Variants in BDH1 observed in about 807,000 individuals in gnomAD.
BDH1 encodes D-beta-hydroxybutyrate dehydrogenase, mitochondrial.
BDH1 carries 30 observed loss-of-function variants against 33.1 expected under a neutral mutation model. The ratio of observed to expected loss-of-function variants is 0.91; its 90% CI spans 0.68 to 1.23. The LOEUF (loss-of-function observed/expected upper bound fraction) is 1.23, where lower values mean the gene tolerates loss of function less well. Ranked by LOEUF, BDH1 falls within the 50% of genes most tolerant of loss-of-function variation. The pLI, the probability that BDH1 is intolerant of heterozygous loss-of-function variation, is 0.00. For synonymous variants in BDH1, 190 were observed against 183.6 expected, an observed-to-expected ratio of 1.03 and a Z score of -0.28; for missense variants, 443 against 464.4, an observed-to-expected ratio of 0.95 and a Z score of 0.42.
At chr3:197,527,931 G>A (rs1490781775) in intron 5 of BDH1, among the ~76,000 whole-genome samples, 2 of 152,118 alleles carry the variant, frequency 1.3e-5, no homozygotes, top group African/African-American at 2.4e-5. Context: ...CTGACACCCC[G>A]TCCACCATGC....
At chr3:197,552,844 A>T (rs1019241307) in intron 2 of BDH1, among the ~76,000 whole-genome samples, 1 of 151,742 alleles carries the variant, frequency 6.6e-6, no homozygotes, top group Non-Finnish European at 1.5e-5. Context: ...GAGAACAGGA[A>T]TTTTTGTCTG....
intron 1 of BDH1, among the ~76,000 whole-genome samples, chr3:197,561,783 A>AAAC (rs564335985): frequency 7.1e-4 from 108 of 152,274 alleles, no homozygotes; most frequent in African/African-American, 2.2e-3. Context: ...CAAACAAACA[A>AAAC]AACAACAACA....
intron 7 of BDH1, among the ~76,000 whole-genome samples, chr3:197,513,468 C>T (rs1386017482): frequency 2.0e-5 from 3 of 146,796 alleles, no homozygotes; most frequent in African/African-American, 7.7e-5. Flanking sequence ...GGCACTCAGC[C>T]CATCCAGGTG....
chr3:197,569,682 CTT>C lies in BDH1; in HGVS notation c.-44+3497_-44+3498del, dbSNP rs370059968. Among the ~76,000 whole-genome samples, 473 of 152,336 alleles carry C rather than the reference CTT, an allele frequency of 3.1e-3. 1 individual carries two copies. Among genetic ancestry groups the C allele is most frequent in the African/African-American group, 0.011 (443 of 41,566 alleles). On this transcript the variant is annotated intron_variant, in intron 1 of 6. Transcript: ENST00000358186. The stretch of plus-strand genomic sequence containing the variant: ...CTTTTGCTTGGCTTTCATCCTCTCT[CTT>C]GTCTGCCACCATGTAAGACGTGCCT...
rs1170616746 is a variant in BDH1 at position 197,522,017 on chromosome 3, T to A, written c.409+623A>T. On this transcript the variant is annotated intron_variant, in intron 6 of 7. Transcript: ENST00000392379. The surrounding 1 kb of genome is among the most constrained non-coding windows in gnomAD (Gnocchi z 4.8). ...CCCAACCTCCTTTGCTGCCACCCCCTCTGCGTGACCTGACCCATGACTCAT... is the reference window on the plus strand; with the variant it reads ...CCCAACCTCCTTTGCTGCCACCCCCACTGCGTGACCTGACCCATGACTCAT... Among the ~76,000 whole-genome samples, 5 of 152,024 alleles carry A rather than the reference T, an allele frequency of 3.3e-5. No individual in the cohort carries two copies. The highest frequency in any genetic ancestry group is 7.4e-5 in the Non-Finnish European group (5 of 67,998).
At chr3:197,519,390 G>C (rs1165403903) in intron 6 of BDH1, among the ~76,000 whole-genome samples, 3 of 152,010 alleles carry the variant, frequency 2.0e-5, no homozygotes, top group Non-Finnish European at 2.9e-5. Context: ...GTCAGGCGTG[G>C]TGGCTCAGGC....
At chr3:197,532,243 A>G (rs1714731563) in intron 5 of BDH1, among the ~76,000 whole-genome samples, 169 bp downstream of exon 5, 1 of 152,196 alleles carries the variant, frequency 6.6e-6, no homozygotes, top group South Asian at 2.1e-4. Context: ...GGATGCATGG[A>G]TGATGGATGG....
chr3:197,558,601 T>A (rs1717158287), upstream of BDH1, among the ~76,000 whole-genome samples: 1 of 152,232 alleles, frequency 6.6e-6, no homozygotes, highest in African/African-American at 2.4e-5. Context: ...CACTTTCACT[T>A]TTCTGTGAGA....
rs1214233839 is a variant in BDH1 at position 197,516,083 on chromosome 3, A to G, written c.410-1667T>C. ...TCGCTACGATATGAGTACTGCCAGT[A>G]CTCCTTGAGGCTCACCTCTCCCTCA... is the stretch of plus-strand genomic sequence containing the variant. On this transcript the variant is annotated intron_variant, in intron 6 of 7. Coordinates refer to ENST00000392379, the MANE Select transcript of BDH1 (RefSeq NM_203314.3). This position sits in a 1 kb window ranked among gnomAD's most constrained non-coding sequence, Gnocchi z 4.2. 6.6e-6 allele frequency among the ~76,000 whole-genome samples: 1 copy of G among 151,658 alleles called. No homozygotes were observed. The highest frequency in any genetic ancestry group is 1.5e-5 in the Non-Finnish European group (1 of 67,910).
rs2108687681 is a variant in BDH1, at chr3:197,509,932, C to T, written c.*1963G>A. On this transcript the variant is annotated 3_prime_UTR_variant, in exon 8 of 8. Coordinates refer to ENST00000392379, the MANE Select transcript of BDH1 (RefSeq NM_203314.3). Reference sequence around the variant, plus strand: ...ACTGCAGCGGCCACCAAGCGTCCCCCTCTGGGCTCTGGAGGGTTTCGGCCC... The same window carrying T: ...ACTGCAGCGGCCACCAAGCGTCCCCTTCTGGGCTCTGGAGGGTTTCGGCCC... The T allele has an allele frequency of 6.6e-6, 1 of 152,034 alleles. No homozygotes were observed. Among genetic ancestry groups the T allele is most frequent in the East Asian group, 2.0e-4 (1 of 5,080 alleles). 9.4% of individuals were successfully genotyped at this position (152,034 alleles called of 1,614,324 possible). A position where few individuals can be genotyped will look rare whatever the true frequency, so the allele number is the denominator to read the frequency against.
rs1334877036 is a variant in BDH1, at chr3:197,510,465, C to T, written c.*1430G>A. 6.6e-6 allele frequency: 1 copy of T among 152,368 alleles called. No homozygotes were observed. The highest frequency in any genetic ancestry group is 1.5e-5 in the Non-Finnish European group (1 of 68,210). The allele number at this position is 152,368 out of a possible 1,614,324, so 9.4% of individuals were successfully genotyped here. ...CCAACATACAGGCCCTGGGCAGTCG[C>T]AGGGATGGCAGCTTTCAAACTGAAA... On this transcript the variant is annotated 3_prime_UTR_variant, in exon 8 of 8. Coordinates refer to ENST00000392379, the MANE Select transcript of BDH1 (RefSeq NM_203314.3).
intron 2 of BDH1, among the ~76,000 whole-genome samples, chr3:197,546,763 A>T (rs745932172): frequency 2.6e-5 from 4 of 152,194 alleles, no homozygotes; most frequent in Non-Finnish European, 5.9e-5. Flanking sequence ...TCACCCATTC[A>T]TAATGTGAGC....
At chr3:197,560,049 C>A (rs1014485394), upstream of BDH1, among the ~76,000 whole-genome samples, 2 of 152,232 alleles carry the variant, frequency 1.3e-5, no homozygotes, top group Admixed American at 1.3e-4. Flanking sequence ...CTCCTCAACC[C>A]AGGGAGGTAC....
intron 3 of BDH1, chr3:197,543,128 A>G (rs1715792740): frequency 1.0e-6 from 1 of 985,310 alleles, no homozygotes; most frequent in Admixed American, 6.1e-5. Flanking sequence ...CCAGTAACCC[A>G]GCTTTCTGCT....
rs1040214699 is a variant in BDH1 at position 197,521,618 on chromosome 3, G to C, written c.409+1022C>G. Among the ~76,000 whole-genome samples the C allele has an allele frequency of 6.6e-6, 1 of 152,054 alleles. No homozygotes were observed. The highest frequency in any genetic ancestry group is 2.4e-5 in the African/African-American group (1 of 41,392). On this transcript the variant is annotated intron_variant, in intron 6 of 7. Coordinates refer to ENST00000392379, the MANE Select transcript of BDH1 (RefSeq NM_203314.3). This position sits in a 1 kb window ranked among gnomAD's most constrained non-coding sequence, Gnocchi z 4.9. ...TCTTCTAGCCTGGACATTCCCTCAG[G>C]GTGGGCGCTTCAGTGTCTCCCTATC...
intron 6 of BDH1, among the ~76,000 whole-genome samples, chr3:197,518,952 C>A (rs1436026418): frequency 6.3e-5 from 4 of 63,592 alleles, no homozygotes; most frequent in Admixed American, 1.4e-4. Flanking sequence ...TCCATCCCCC[C>A]CTCAGTCACT....
At position 197,522,252 on chromosome 3, in the gene BDH1, G is replaced by C. The variant is rs747444463; in HGVS notation, c.409+388C>G. On this transcript the variant is annotated intron_variant, in intron 6 of 7. Coordinates refer to ENST00000392379, the MANE Select transcript of BDH1 (RefSeq NM_203314.3). The surrounding 1 kb of genome is among the most constrained non-coding windows in gnomAD (Gnocchi z 4.8). Reference sequence around the variant, plus strand: ...GCTGCTCTGCCTCTCTCAATGCACGGCTCCCTGATTTTGAACTCAGTCCTC... The same window carrying C: ...GCTGCTCTGCCTCTCTCAATGCACGCCTCCCTGATTTTGAACTCAGTCCTC... 2.0e-5 allele frequency among the ~76,000 whole-genome samples: 3 copies of C among 152,122 alleles called. No homozygotes were observed. The highest frequency in any genetic ancestry group is 4.8e-5 in the African/African-American group (2 of 41,410).
rs1345711046 is a variant in BDH1, at chr3:197,526,515, G to A, written c.268-3734C>T. On this transcript the variant is annotated intron_variant, in intron 5 of 7. Coordinates refer to ENST00000392379, the MANE Select transcript of BDH1 (RefSeq NM_203314.3). The surrounding 1 kb of genome is among the most constrained non-coding windows in gnomAD (Gnocchi z 4.7). ...CAAAGATTCTGCCACGGAGACCTCC[G>A]ACTGCCACTCCAGACGCAGGGCAGC... 6.6e-6 allele frequency among the ~76,000 whole-genome samples: 1 copy of A among 152,128 alleles called. No homozygotes were observed. The highest frequency in any genetic ancestry group is 1.9e-4 in the East Asian group (1 of 5,192).
intron 3 of BDH1, chr3:197,538,314 T>C (rs1300890273): frequency 8.8e-6 from 4 of 456,426 alleles, no homozygotes; most frequent in Non-Finnish European, 1.8e-5. Context: ...ACCTTTTCTG[T>C]ATACCATTTG....
Sources: allele counts gnomAD v4.1 joint callset (sites outside exome capture counted in the v4.1 genomes callset), GRCh38; gene constraint gnomAD v4.1.1; non-coding constraint Gnocchi (gnomAD v3.1); transcripts MANE v1.5; gene names NCBI Gene and HGNC (gene_info 2026-07-23, HGNC 2026-07-21).